The following EPC1 variants were observed in gnomAD, a reference collection of about 807,000 sequenced individuals.
EPC1 encodes enhancer of polycomb homolog 1.
In EPC1, 12 loss-of-function variants were observed where a neutral mutation model predicts 98.4. That is an observed-to-expected ratio of 0.12 (90% CI 0.08 to 0.20). The LOEUF is 0.20. EPC1 is among the 10% of genes least tolerant of loss of function. The probability of loss-of-function intolerance (pLI) is 1.00; values close to 1 mark genes in which losing one functional copy is unlikely to be tolerated. For missense variants in EPC1, 729 were observed against 990.5 expected (o/e 0.74, Z 3.54); for synonymous variants, 357 against 363.9 (o/e 0.98, Z 0.21).
At chr10:32,307,348 A>G (rs1835934176) in intron 1 of EPC1, among the ~76,000 whole-genome samples, 1 of 152,244 alleles carries the variant, frequency 6.6e-6, no homozygotes, top group Non-Finnish European at 1.5e-5. Context: ...GAAGTGCTCA[A>G]AGGGTATATC....
intron 1 of EPC1, among the ~76,000 whole-genome samples, chr10:32,336,976 T>C (rs1838013893): frequency 6.6e-6 from 1 of 152,226 alleles, no homozygotes. Context: ...TCTATGTCTC[T>C]GTTAATTTTT....
In EPC1 at chr10:32,302,697, C is replaced by T. The variant is rs569703992; in HGVS notation, c.313+3075G>A. Among the ~76,000 whole-genome samples the T allele has an allele frequency of 4.4e-4, 65 of 148,798 alleles. 1 individual carries two copies. In the South Asian group the frequency reaches 5.5e-3, roughly 13 times the overall value. On this transcript the variant is annotated intron_variant, in intron 2 of 13. Transcript: ENST00000319778. ...GGGGGAGCGGCGCAAAAGACATGCACGATCATTTCACCAAAGAGGATGTAC... is the reference window on the plus strand; with the variant it reads ...GGGGGAGCGGCGCAAAAGACATGCATGATCATTTCACCAAAGAGGATGTAC...
intron 6 of EPC1, among the ~76,000 whole-genome samples, chr10:32,288,233 C>T (rs1399644276): frequency 6.6e-6 from 1 of 151,068 alleles, no homozygotes; most frequent in Non-Finnish European, 1.5e-5. Flanking sequence ...CATGGCAATG[C>T]AAAACATTAT....
chr10:32,356,720 C>T (rs371484985), intron 1 of EPC1, among the ~76,000 whole-genome samples: 4 of 152,296 alleles, frequency 2.6e-5, no homozygotes, highest in African/African-American at 9.6e-5. Context: ...CGCGGTGGCT[C>T]ACGCCTGTAA....
intron 1 of EPC1, among the ~76,000 whole-genome samples, chr10:32,370,721 A>C (rs1359356371): frequency 1.3e-5 from 2 of 152,220 alleles, no homozygotes; most frequent in Non-Finnish European, 2.9e-5. Flanking sequence ...AGCTGGGTGT[A>C]GCTATGGACC....
At position 32,287,269 on chromosome 10, in the gene EPC1, A is replaced by G. The variant is rs755855736; in HGVS notation, c.981T>C (p.Asp327=). Residue 327 remains aspartate (D), a synonymous_variant, in exon 7 of 14, where the codon GAT becomes GAC. Transcript: ENST00000319778. ...GTTTCGGTCGGATAAGATCGGCTTT[A>G]TCTTGCTGCAACAAAGACATGAATT... ...DVKEFKVNKQ[D]KADLIRPKRK... The G allele has an allele frequency of 5.0e-6, 8 of 1,613,842 alleles. No homozygotes were observed. The highest frequency in any genetic ancestry group is 6.8e-6 in the Non-Finnish European group (8 of 1,179,948).
At chr10:32,346,283 G>C (rs541352390) in intron 1 of EPC1, among the ~76,000 whole-genome samples, 159 of 152,294 alleles carry the variant, frequency 1.0e-3, no homozygotes, top group Admixed American at 2.7e-3. Flanking sequence ...ACTGTGCACA[G>C]AACCTGCGCT....
chr10:32,321,450 A>G (rs1316793265), intron 1 of EPC1, among the ~76,000 whole-genome samples: 1 of 151,908 alleles, frequency 6.6e-6, no homozygotes, highest in African/African-American at 2.4e-5. Flanking sequence ...AAAATCCTGG[A>G]CAAGTGATCC....
At chr10:32,346,603 C>T in intron 1 of EPC1, 160 bp downstream of exon 1, 1 of 720,746 alleles carries the variant, frequency 1.4e-6, no homozygotes, top group Non-Finnish European at 2.2e-6. Context: ...GGCCGGGGGT[C>T]GAGGCTGGGG....
chr10:32,324,760 G>A (rs559501484), intron 1 of EPC1, among the ~76,000 whole-genome samples: 103 of 152,236 alleles, frequency 6.8e-4, no homozygotes, highest in African/African-American at 2.3e-3. Flanking sequence ...TTGGGAGGCC[G>A]AGGTCGGCGG....
At chr10:32,367,880 G>C (rs1216295120) in intron 1 of EPC1, among the ~76,000 whole-genome samples, 2 of 152,082 alleles carry the variant, frequency 1.3e-5, no homozygotes, top group Non-Finnish European at 2.9e-5. Flanking sequence ...GTTCATTTTT[G>C]GGAGAAGAAT....
intron 1 of EPC1, among the ~76,000 whole-genome samples, chr10:32,353,155 CAAA>C (rs78044145): frequency 5.4e-5 from 4 of 73,448 alleles, no homozygotes; most frequent in Non-Finnish European, 9.1e-5. Flanking sequence ...AACTCCATTT[CAAA>C]AAAAAAAAAA....
rs1836728231 is a variant in EPC1, at chr10:32,287,078, A to G, written c.1152+20T>C. The G allele has an allele frequency of 1.9e-6, 3 of 1,614,044 alleles. No individual in the cohort carries two copies. Among genetic ancestry groups the G allele is most frequent in the African/African-American group, 2.7e-5 (2 of 75,034 alleles). ...CTTCCTACATCCCTCCTCAATGTTC[A>G]TAGAGAATTGTATTTGTACCTGGGA... On this transcript the variant is annotated intron_variant, in intron 7 of 13. Coordinates refer to ENST00000319778, the MANE Select transcript of EPC1 (RefSeq NM_001272004.3).
chr10:32,354,295 A>G (rs897422140), intron 1 of EPC1, among the ~76,000 whole-genome samples: 2 of 152,148 alleles, frequency 1.3e-5, no homozygotes, highest in Admixed American at 6.5e-5. Context: ...GCATGATTCA[A>G]TACAAAAAAT....
intron 1 of EPC1, among the ~76,000 whole-genome samples, chr10:32,352,641 C>A (rs1234249922): frequency 6.6e-6 from 1 of 152,132 alleles, no homozygotes; most frequent in Non-Finnish European, 1.5e-5. Flanking sequence ...TAAGCCTCCC[C>A]CAGTCTTTCT....
rs568917955 is a variant in EPC1, at chr10:32,294,033, G to A, written c.314-296C>T. Among the ~76,000 whole-genome samples the A allele has an allele frequency of 5.9e-5, 9 of 152,220 alleles. No individual in the cohort carries two copies. The East Asian group carries it at 7.7e-4, about 13-fold the overall frequency. On this transcript the variant is annotated intron_variant, in intron 2 of 13. Transcript: ENST00000319778. ...TAGAAGCCTATTAAGAACATAAAGC[G>A]ATCATTAAAACTTATTTGGTTGAAC...
chr10:32,335,307 C>T (rs1837890041), intron 1 of EPC1, among the ~76,000 whole-genome samples: 1 of 152,146 alleles, frequency 6.6e-6, no homozygotes, highest in African/African-American at 2.4e-5. Flanking sequence ...TAATCTGTCC[C>T]AATCTTCCAC....
At chr10:32,274,846 T>C (rs1278088974) in intron 10 of EPC1, among the ~76,000 whole-genome samples, 1 of 152,128 alleles carries the variant, frequency 6.6e-6, no homozygotes, top group Non-Finnish European at 1.5e-5. Flanking sequence ...AAAAAGTCAA[T>C]GCTGCCCTCA....
In EPC1 at chr10:32,347,138, C is replaced by T; in HGVS notation, c.-223G>A. ...CTTCAATACGCCATGGCCAACATGG[C>T]GGACATTAAAACTCCACTGTGCGCT... is the stretch of plus-strand genomic sequence containing the variant. On this transcript the variant is annotated 5_prime_UTR_variant, in exon 1 of 14. Coordinates refer to ENST00000319778, the MANE Select transcript of EPC1 (RefSeq NM_001272004.3). 7.0e-7 allele frequency: 1 copy of T among 1,423,468 alleles called. No individual in the cohort carries two copies. Among genetic ancestry groups the T allele is most frequent in the Non-Finnish European group, 9.1e-7 (1 of 1,093,010 alleles). The allele number at this position is 1,423,468 out of a possible 1,614,324, so 88.2% of individuals were successfully genotyped here.
Sources: gnomAD v4.1 joint callset for allele counts (sites outside exome capture counted in the v4.1 genomes callset) on GRCh38, gnomAD v4.1.1 for gene constraint, MANE v1.5 for transcripts, NCBI Gene and HGNC (gene_info 2026-07-23, HGNC 2026-07-21) for gene names.